Variants in WWOX observed in about 807,000 individuals in gnomAD.
WWOX encodes WW domain containing oxidoreductase.
In WWOX, 69 loss-of-function variants were observed where a neutral mutation model predicts 46.2. The observed-to-expected ratio is 1.49, with a 90% CI of 1.23 to 1.82. The LOEUF (loss-of-function observed/expected upper bound fraction) is 1.82, where lower values mean the gene tolerates loss of function less well. WWOX is among the 40% of genes most tolerant of loss of function. The pLI, the probability that WWOX is intolerant of heterozygous loss-of-function variation, is 0.00. For synonymous variants in WWOX, 359 were observed against 202.6 expected (o/e 1.77, Z -6.56); for missense variants, 919 against 542.6 (o/e 1.69, Z -6.89).
At chr16:78,390,604 T>G (rs2082156298) in intron 6 of WWOX, among the ~76,000 whole-genome samples, 1 of 152,210 alleles carries the variant, frequency 6.6e-6, no homozygotes, top group African/African-American at 2.4e-5. Context: ...GAGATTTTAC[T>G]TTTGAAATGC....
intron 8 of WWOX, chr16:79,017,379 G>C (rs189983779): frequency 8.0e-6 from 1 of 125,576 alleles, no homozygotes; most frequent in Non-Finnish European, 1.6e-5. Flanking sequence ...GCAGTGAACC[G>C]TGATCGCTTC....
intron 8 of WWOX, among the ~76,000 whole-genome samples, chr16:78,636,087 G>A (rs770589142): frequency 4.6e-5 from 7 of 152,168 alleles, no homozygotes; most frequent in Non-Finnish European, 8.8e-5. Context: ...CTGCACTCTA[G>A]TAGTGATTAA....
At chr16:79,197,222 C>G (rs2051258457) in intron 8 of WWOX, among the ~76,000 whole-genome samples, 1 of 152,158 alleles carries the variant, frequency 6.6e-6, no homozygotes, top group South Asian at 2.1e-4. Flanking sequence ...CTACCACATC[C>G]CAATGGCTTT....
chr16:78,539,662 A>G (rs2151524519), intron 8 of WWOX, among the ~76,000 whole-genome samples: 1 of 152,340 alleles, frequency 6.6e-6, no homozygotes, highest in South Asian at 2.1e-4. Flanking sequence ...TTGTACTTGC[A>G]GTGGCTGCCT....
chr16:78,863,173 G>T lies in WWOX; in HGVS notation c.1057-348435G>T, dbSNP rs767485722. 1.3e-4 allele frequency among the ~76,000 whole-genome samples: 20 copies of T among 152,054 alleles called. 1 individual carries two copies. The highest frequency in any genetic ancestry group is 2.9e-5 in the Non-Finnish European group (2 of 68,010). ...GGGTTTCACCATGTTGGCCAGACTG[G>T]TCTCAAACTCCTGACCTCAGGTGAT... On this transcript the variant is annotated intron_variant, in intron 8 of 8. Transcript: ENST00000566780.
At chr16:79,053,707 A>G (rs966495099) in intron 8 of WWOX, among the ~76,000 whole-genome samples, 4 of 152,176 alleles carry the variant, frequency 2.6e-5, no homozygotes, top group African/African-American at 9.7e-5. Flanking sequence ...TTTGCATCTC[A>G]TCAGTAAGTG....
At chr16:78,558,669 C>T (rs894224947) in intron 8 of WWOX, among the ~76,000 whole-genome samples, 3 of 152,210 alleles carry the variant, frequency 2.0e-5, no homozygotes, top group Non-Finnish European at 4.4e-5. Context: ...TCATAGGTCT[C>T]CCTGATTCCA....
chr16:79,059,140 A>G (rs2048316483), intron 8 of WWOX, among the ~76,000 whole-genome samples: 1 of 152,256 alleles, frequency 6.6e-6, no homozygotes, highest in African/African-American at 2.4e-5. Flanking sequence ...ACAGGGAGTC[A>G]TAAACAGGTG....
At chr16:78,943,097 A>G (rs191076171) in intron 8 of WWOX, among the ~76,000 whole-genome samples, 42 of 152,322 alleles carry the variant, frequency 2.8e-4, no homozygotes, top group South Asian at 2.7e-3. Flanking sequence ...TTAAATTGCT[A>G]TAAAGTTTTA....
At chr16:78,823,027 AC>A (rs1368156873) in intron 8 of WWOX, among the ~76,000 whole-genome samples, 1 of 152,218 alleles carries the variant, frequency 6.6e-6, no homozygotes, top group Non-Finnish European at 1.5e-5. Context: ...TTCATATTCA[AC>A]TTGGAAAACA....
intron 5 of WWOX, among the ~76,000 whole-genome samples, chr16:78,196,284 C>A (rs2036049154): frequency 6.6e-6 from 1 of 152,202 alleles, no homozygotes; most frequent in Admixed American, 6.5e-5. Context: ...AAATACACTA[C>A]TAAGTGTTTA....
intron 8 of WWOX, among the ~76,000 whole-genome samples, chr16:79,061,363 G>A (rs1051375320): frequency 6.6e-6 from 1 of 152,172 alleles, no homozygotes; most frequent in African/African-American, 2.4e-5. Context: ...CTAAGGGCTT[G>A]GCAAACCAAG....
At chr16:78,413,045 A>G (rs1184413419) in intron 6 of WWOX, among the ~76,000 whole-genome samples, 1 of 152,154 alleles carries the variant, frequency 6.6e-6, no homozygotes, top group East Asian at 1.9e-4. Flanking sequence ...AGTGGAGAGG[A>G]AAATGTAACC....
At chr16:78,331,811 G>A (rs774768249) in intron 5 of WWOX, among the ~76,000 whole-genome samples, 1 of 150,542 alleles carries the variant, frequency 6.6e-6, no homozygotes, top group Non-Finnish European at 1.5e-5. Context: ...ATATGCATTG[G>A]CATTCATTGC....
intron 5 of WWOX, among the ~76,000 whole-genome samples, chr16:78,319,601 C>G (rs7205025): frequency 0.03 from 4,635 of 152,118 alleles, 235 homozygotes; most frequent in African/African-American, 0.1. Context: ...GACTCCAGAG[C>G]TATAAAAGAA....
chr16:78,892,528 G>A (rs1376341996), intron 8 of WWOX, among the ~76,000 whole-genome samples: 1 of 152,220 alleles, frequency 6.6e-6, no homozygotes, highest in Non-Finnish European at 1.5e-5. Context: ...AGAAGTGGGA[G>A]CTGGACGACA....
Position 79,211,630 on chromosome 16 carries a change from T to G in WWOX, c.1079T>G (p.Val360Gly), listed in dbSNP as rs943387944. 8 of 1,614,088 alleles carry G rather than the reference T, an allele frequency of 5.0e-6. No homozygotes were observed. The highest frequency in any genetic ancestry group is 1.7e-6 in the Non-Finnish European group (2 of 1,180,040). The change falls in exon 9 of 9, where the codon GTG becomes GGG. Residue 360 changes from valine (V) to glycine (G), a missense_variant. By Grantham distance (109) the Val-to-Gly change is moderately radical. Transcript: ENST00000566780. ...CAGCAACAGGGAGCTGCCACCACCG[T>G]GTACTGTGCTGCTGTCCCAGAACTG... The part of the protein sequence containing the change: ...KSMQQGAATT[V>G]YCAAVPELEG...
intron 3 of WWOX, among the ~76,000 whole-genome samples, chr16:78,110,536 A>C (rs746966734): frequency 9.9e-5 from 15 of 152,202 alleles, no homozygotes; most frequent in Non-Finnish European, 2.1e-4. Flanking sequence ...CATTAATGCT[A>C]AATTCCTGTT....
chr16:78,284,620 T>G (rs1567477881), intron 5 of WWOX, among the ~76,000 whole-genome samples: 1 of 152,220 alleles, frequency 6.6e-6, no homozygotes, highest in African/African-American at 2.4e-5. Flanking sequence ...TGGACATTTC[T>G]ACAAAATCAA....
Sources: allele counts gnomAD v4.1 joint callset (sites outside exome capture counted in the v4.1 genomes callset), GRCh38; gene constraint gnomAD v4.1.1; transcripts MANE v1.5; gene names NCBI Gene and HGNC (gene_info 2026-07-23, HGNC 2026-07-21).